PCDHA1: variants seen among roughly 807,000 people sequenced by gnomAD.
The protein encoded by PCDHA1 is protocadherin alpha 1.
Under a neutral mutation model 61.3 loss-of-function variants are expected in PCDHA1, and 42 were observed. The observed-to-expected ratio is 0.69, with a 90% confidence interval of 0.54 to 0.89. The LOEUF is 0.89. Ranked by LOEUF, PCDHA1 falls within the 40% of genes least tolerant of loss-of-function variation. The pLI is 0.00. For synonymous variants in PCDHA1, 610 were observed against 553.8 expected, an observed-to-expected ratio of 1.10 and a Z score of -1.43; for missense variants, 1,256 against 1,235.3, an observed-to-expected ratio of 1.02 and a Z score of -0.25.
At chr5:141,004,255 G>T (rs782648685) in intron 3 of PCDHA1, among the ~76,000 whole-genome samples, 2 of 152,190 alleles carry the variant, frequency 1.3e-5, no homozygotes, top group Non-Finnish European at 2.9e-5. Flanking sequence ...TTGTTTTACT[G>T]GAATGAGTCA....
chr5:140,991,033 TACTTA>T (rs567583919), intron 3 of PCDHA1, among the ~76,000 whole-genome samples: 53 of 152,330 alleles, frequency 3.5e-4, no homozygotes, highest in African/African-American at 1.3e-3. Context: ...ATATGTTGCA[TACTTA>T]ACTTTGAGAG....
chr5:140,885,164 T>G (rs2060495549), intron 1 of PCDHA1, among the ~76,000 whole-genome samples: 1 of 151,598 alleles, frequency 6.6e-6, no homozygotes, highest in African/African-American at 2.4e-5. Context: ...TCTCTACTTT[T>G]TTGTCCTCTA....
At chr5:140,844,413 A>G (rs1581068328) in intron 1 of PCDHA1, among the ~76,000 whole-genome samples, 1 of 149,462 alleles carries the variant, frequency 6.7e-6, no homozygotes, top group East Asian at 1.9e-4. Flanking sequence ...ATTTGGAGAC[A>G]TGTTTTTTAT....
At chr5:140,982,191 T>G (rs1431582069) in intron 2 of PCDHA1, among the ~76,000 whole-genome samples, 1 of 152,266 alleles carries the variant, frequency 6.6e-6, no homozygotes, top group African/African-American at 2.4e-5. Context: ...ATGGGCTTCC[T>G]GTTAGATTTA....
intron 1 of PCDHA1, among the ~76,000 whole-genome samples, chr5:140,964,379 C>T (rs2095828218): frequency 6.6e-6 from 1 of 152,130 alleles, no homozygotes; most frequent in Non-Finnish European, 1.5e-5. Flanking sequence ...AAAGGAGAGT[C>T]CTGGTTTTTC....
At chr5:140,875,181 TAA>T (rs1554167538) in intron 1 of PCDHA1, 2 of 448,484 alleles carry the variant, frequency 4.5e-6, no homozygotes, top group East Asian at 4.2e-5. Flanking sequence ...ACATTAGAAT[TAA>T]GAGTGACCCA....
At chr5:140,860,216 T>C (rs1554153148) in intron 1 of PCDHA1, 2 of 150,242 alleles carry the variant, frequency 1.3e-5, no homozygotes, top group South Asian at 2.1e-4. Flanking sequence ...TATGTACTTA[T>C]GTATATATAA....
At chr5:140,854,919 A>G (rs1554147504) in intron 1 of PCDHA1, among the ~76,000 whole-genome samples, 1 of 150,004 alleles carries the variant, frequency 6.7e-6, no homozygotes, top group African/African-American at 2.4e-5. Context: ...GGTTGAAAGC[A>G]TTTGCCTCTG....
chr5:140,829,249 C>T, intron 1 of PCDHA1: 4 of 1,614,262 alleles, frequency 2.5e-6, no homozygotes, highest in Non-Finnish European at 3.4e-6. Context: ...GGCAGGTGAA[C>T]TGCTCGCTGA....
intron 3 of PCDHA1, among the ~76,000 whole-genome samples, chr5:140,992,399 A>G (rs1276372325): frequency 1.3e-5 from 2 of 152,138 alleles, no homozygotes; most frequent in Admixed American, 6.6e-5. Context: ...ACTTAGAGAT[A>G]TTGTTCTGCC....
In PCDHA1 at chr5:140,811,967, T is replaced by A. The variant is rs201957063; in HGVS notation, c.2394+23283T>A. 4 of 151,530 alleles carry A rather than the reference T, an allele frequency of 2.6e-5. No homozygotes were observed. In the East Asian group the frequency reaches 7.7e-4, roughly 29 times the overall value. The allele number at this position is 151,530 out of a possible 1,614,324, so 9.4% of individuals were successfully genotyped here. On this transcript the variant is annotated intron_variant, in intron 1 of 3. Transcript: ENST00000504120. ...CTGTAGGTTGCCTGTTCACTCTGATTGTAGTTTCTTTTGAAGATTTATTTT... is the reference window on the plus strand; with the variant it reads ...CTGTAGGTTGCCTGTTCACTCTGATAGTAGTTTCTTTTGAAGATTTATTTT...
intron 1 of PCDHA1, chr5:140,813,404 C>T (rs2126646229): frequency 6.6e-6 from 1 of 152,258 alleles, no homozygotes; most frequent in East Asian, 1.9e-4. Context: ...AGGCTACAAA[C>T]CTGTACATAT....
intron 1 of PCDHA1, chr5:140,861,489 T>C (rs1263329401): frequency 2.0e-6 from 1 of 487,812 alleles, no homozygotes; most frequent in Non-Finnish European, 4.2e-6. Flanking sequence ...TTTTGTGAGT[T>C]CTCTGATAGA....
intron 1 of PCDHA1, chr5:140,856,754 G>T: frequency 6.3e-7 from 1 of 1,596,774 alleles, no homozygotes; most frequent in Non-Finnish European, 8.6e-7. Context: ...AGATGCCAAT[G>T]ATAACGCCCC....
intron 1 of PCDHA1, among the ~76,000 whole-genome samples, chr5:140,963,050 G>A (rs2095732681): frequency 6.6e-6 from 1 of 152,030 alleles, no homozygotes; most frequent in African/African-American, 2.4e-5. Flanking sequence ...AGTCTATAAG[G>A]GTTTCTACAT....
intron 1 of PCDHA1, among the ~76,000 whole-genome samples, chr5:140,953,746 A>G (rs2094931124): frequency 6.6e-6 from 1 of 152,016 alleles, no homozygotes; most frequent in African/African-American, 2.4e-5. Context: ...TTAACATTAC[A>G]TTTATCCAAG....
chr5:140,984,243 C>T (rs781830326), intron 3 of PCDHA1, among the ~76,000 whole-genome samples: 2 of 152,246 alleles, frequency 1.3e-5, no homozygotes, highest in Non-Finnish European at 2.9e-5. Context: ...CATTGTAGGT[C>T]GACCTGGTAA....
chr5:140,849,189 G>C, intron 1 of PCDHA1: 1 of 1,056,674 alleles, frequency 9.5e-7, no homozygotes, highest in Non-Finnish European at 1.3e-6. Context: ...ACTCATCACG[G>C]TACTGGACAA....
chr5:140,966,917 G>T, intron 1 of PCDHA1: 1 of 1,602,580 alleles, frequency 6.2e-7, no homozygotes, highest in Non-Finnish European at 8.5e-7. Context: ...TGTGCCAGAG[G>T]AGCAGGCACC....
Sources: gnomAD v4.1 joint callset for allele counts (sites outside exome capture counted in the v4.1 genomes callset) on GRCh38, gnomAD v4.1.1 for gene constraint, MANE v1.5 for transcripts, NCBI Gene and HGNC (gene_info 2026-07-23, HGNC 2026-07-21) for gene names.